NHERF2: variants seen among roughly 807,000 people sequenced by gnomAD.
NHERF2 encodes the protein NHERF family PDZ scaffold protein 2.
chr16:2,036,748 G>C, the NHERF2 span: 2 of 1,613,126 alleles, frequency 1.2e-6, no homozygotes, highest in South Asian at 1.1e-5. Context: ...AGAATGTGGA[G>C]GGACTGCGCC....
the NHERF2 span, chr16:2,029,684 G>C: frequency 6.4e-7 from 1 of 1,562,726 alleles, no homozygotes; most frequent in Non-Finnish European, 8.7e-7. Flanking sequence ...CTGTACCGAG[G>C]AGATGGCCCA....
At chr16:2,033,044 C>G in the NHERF2 span, 1 of 1,271,562 alleles carries the variant, frequency 7.9e-7, no homozygotes, top group Non-Finnish European at 1.0e-6. Flanking sequence ...GTTCTGGGGC[C>G]GGGACTCCTC....
At chr16:2,029,930 G>T in the NHERF2 span, 11 of 693,198 alleles carry the variant, frequency 1.6e-5, no homozygotes, top group African/African-American at 1.1e-4. Context: ...GGACCATCTT[G>T]TTGGCCACTG....
At chr16:2,038,756 C>G in the NHERF2 span, 1 of 174,696 alleles carries the variant, frequency 5.7e-6, no homozygotes, top group Non-Finnish European at 1.2e-5. Context: ...GGCCCCACGT[C>G]CCCGAGGAGG....
the NHERF2 span, among the ~76,000 whole-genome samples, chr16:2,029,105 T>C: frequency 6.6e-6 from 1 of 152,176 alleles, no homozygotes; most frequent in Non-Finnish European, 1.5e-5. Flanking sequence ...ATGACGGGAA[T>C]GGGCACAGAC....
At chr16:2,037,399 T>G in the NHERF2 span, 1 of 828,026 alleles carries the variant, frequency 1.2e-6, no homozygotes, top group Middle Eastern at 2.8e-4. Flanking sequence ...CCCCGCCGCA[T>G]CTGGAGTCCA....
the NHERF2 span, chr16:2,027,017 G>A: frequency 8.4e-7 from 1 of 1,185,318 alleles, no homozygotes; most frequent in Non-Finnish European, 1.0e-6. Context: ...TGGCCGCGCC[G>A]GAGCCGCTGC....
chr16:2,028,392 T>A, the NHERF2 span, among the ~76,000 whole-genome samples: 1 of 152,180 alleles, frequency 6.6e-6, no homozygotes, highest in East Asian at 1.9e-4. Context: ...AGGCTGCTGT[T>A]GGATAGTCAC....
the NHERF2 span, among the ~76,000 whole-genome samples, chr16:2,031,810 C>G: frequency 6.6e-6 from 1 of 152,076 alleles, no homozygotes; most frequent in Non-Finnish European, 1.5e-5. Context: ...TCTTGCCTCA[C>G]CCTCCCCAGT....
the NHERF2 span, chr16:2,038,018 C>T: frequency 1.8e-3 from 2,957 of 1,609,560 alleles, 3 homozygotes; most frequent in Non-Finnish European, 2.2e-3. Context: ...CCCTGGGACC[C>T]CTCCCGCACG....
the NHERF2 span, chr16:2,038,076 G>A: frequency 1.4e-6 from 2 of 1,477,934 alleles, no homozygotes; most frequent in South Asian, 2.5e-5. Flanking sequence ...TCAGTGGACT[G>A]GAGGGTGGTC....
At chr16:2,036,421 G>A in the NHERF2 span, 96 of 1,607,456 alleles carry the variant, frequency 6.0e-5, no homozygotes, top group East Asian at 1.1e-4. Flanking sequence ...GACAAGTCCC[G>A]GCCCGGCCAG....
the NHERF2 span, among the ~76,000 whole-genome samples, chr16:2,030,765 C>T: frequency 6.6e-6 from 1 of 151,790 alleles, no homozygotes; most frequent in Non-Finnish European, 1.5e-5. Context: ...TGTGGTGAAA[C>T]CCCCGTCTCT....
the NHERF2 span, among the ~76,000 whole-genome samples, chr16:2,027,609 C>T: frequency 6.6e-6 from 1 of 152,190 alleles, no homozygotes; most frequent in South Asian, 2.1e-4. Flanking sequence ...ATGCAGGTCC[C>T]TTTGGGGTCA....
At chr16:2,038,207 G>A in the NHERF2 span, 1 of 602,868 alleles carries the variant, frequency 1.7e-6, no homozygotes, top group South Asian at 2.0e-5. Flanking sequence ...GTGAGAGAGA[G>A]TCAGAGACAG....
the NHERF2 span, chr16:2,036,275 G>C: frequency 6.5e-7 from 1 of 1,534,562 alleles, no homozygotes; most frequent in Non-Finnish European, 8.8e-7. Context: ...GTGGCCTCTG[G>C]AGGCGGGAGG....
the NHERF2 span, among the ~76,000 whole-genome samples, chr16:2,033,919 C>G: frequency 6.6e-6 from 1 of 152,212 alleles, no homozygotes; most frequent in Non-Finnish European, 1.5e-5. Flanking sequence ...CACTGGGACC[C>G]TGCTGACAAT....
the NHERF2 span, among the ~76,000 whole-genome samples, chr16:2,032,653 G>A: frequency 6.6e-6 from 1 of 152,232 alleles, no homozygotes; most frequent in Non-Finnish European, 1.5e-5. This position sits in a 1 kb window ranked among gnomAD's most constrained non-coding sequence, Gnocchi z 4.0. Context: ...GGGCAGGGGA[G>A]GACACTGATG....
At chr16:2,029,614 G>T in the NHERF2 span, 1 of 1,579,796 alleles carries the variant, frequency 6.3e-7, no homozygotes, top group East Asian at 2.3e-5. Context: ...TGGAGGGGCA[G>T]ACTCGGCTGC....
Sources: gnomAD v4.1 joint callset for allele counts (sites outside exome capture counted in the v4.1 genomes callset) on GRCh38, gnomAD v4.1.1 for gene constraint, Gnocchi (gnomAD v3.1) non-coding constraint, MANE v1.5 for transcripts, NCBI Gene and HGNC (gene_info 2026-07-23, HGNC 2026-07-21) for gene names.